Variants in GYPC observed in about 807,000 individuals in gnomAD.
GYPC encodes glycophorin C (Gerbich blood group).
A neutral mutation model predicts 12.6 loss-of-function variants in GYPC; 14 were observed. That is an observed-to-expected ratio of 1.11 (90% CI 0.74 to 1.74). The LOEUF is 1.74. Ranked by LOEUF, GYPC falls within the 40% of genes most tolerant of loss-of-function variation. The pLI is 0.00. For synonymous variants in GYPC, 78 were observed against 62.1 expected (o/e 1.26, Z -1.20); for missense variants, 225 against 172.1 (o/e 1.31, Z -1.72).
In GYPC at chr2:126,656,293, G is replaced by T. The variant is rs1682349484; in HGVS notation, c.30G>T (p.Thr10=). 6.2e-7 allele frequency: 1 copy of T among 1,600,018 alleles called. No homozygotes were observed. The highest frequency in any genetic ancestry group is 1.7e-5 in the Admixed American group (1 of 59,026). MWSTRSPNS[T]AWPLSLEPDP... is the part of the protein sequence containing the mutation. ...GGTCGACGAGAAGCCCCAACAGCAC[G>T]GCGTGGCCTCTCAGCCTCGGTGAGT... Residue 10 remains threonine, a synonymous_variant, in exon 1 of 4, where the codon ACG becomes ACT. Coordinates refer to ENST00000259254, the MANE Select transcript of GYPC (RefSeq NM_002101.5).
chr2:126,681,988 C>G (rs964966121), intron 1 of GYPC, among the ~76,000 whole-genome samples: 2 of 152,068 alleles, frequency 1.3e-5, no homozygotes, highest in Non-Finnish European at 2.9e-5. Flanking sequence ...GAGCATGGTG[C>G]GCAGGATTGC....
chr2:126,683,536 C>T (rs1285990429), intron 1 of GYPC, among the ~76,000 whole-genome samples: 1 of 152,144 alleles, frequency 6.6e-6, no homozygotes, highest in Non-Finnish European at 1.5e-5. Context: ...TTCATACTCT[C>T]GCCTCACAAG....
chr2:126,672,021 A>G (rs1287785183), intron 1 of GYPC, among the ~76,000 whole-genome samples: 3 of 151,672 alleles, frequency 2.0e-5, no homozygotes, highest in African/African-American at 7.2e-5. Context: ...AAGGGTCCTG[A>G]GGCAGGTGCA....
At chr2:126,678,165 T>A (rs13398585) in intron 1 of GYPC, 56,282 of 151,504 alleles carry the variant, frequency 0.37, 10,601 homozygotes, top group Non-Finnish European at 0.41. Context: ...GAGCTTGCAG[T>A]GAGCCGAGAT....
intron 1 of GYPC, among the ~76,000 whole-genome samples, chr2:126,685,480 G>A (rs1003622510): frequency 3.9e-5 from 6 of 151,952 alleles, no homozygotes; most frequent in African/African-American, 1.5e-4. Flanking sequence ...CACCTCCCAG[G>A]TTCAAGTGAT....
At chr2:126,683,412 G>A (rs1276277274) in intron 1 of GYPC, among the ~76,000 whole-genome samples, 3 of 152,168 alleles carry the variant, frequency 2.0e-5, no homozygotes, top group Admixed American at 6.5e-5. Context: ...GTGGACAAGG[G>A]CAACTCCACC....
intron 1 of GYPC, among the ~76,000 whole-genome samples, chr2:126,678,039 G>A (rs1683057123): frequency 1.3e-5 from 2 of 152,152 alleles, no homozygotes; most frequent in African/African-American, 4.8e-5. Context: ...GGCTAACACG[G>A]TGAAACCCCT....
At chr2:126,677,340 A>G (rs199616359) in intron 1 of GYPC, among the ~76,000 whole-genome samples, 4 of 106,284 alleles carry the variant, frequency 3.8e-5, no homozygotes, top group Admixed American at 3.6e-4. Context: ...AGTGTGTAAG[A>G]AAGAATGTGT....
intron 1 of GYPC, among the ~76,000 whole-genome samples, chr2:126,657,348 G>A (rs914197850): frequency 1.3e-5 from 2 of 152,210 alleles, no homozygotes; most frequent in Non-Finnish European, 2.9e-5. Flanking sequence ...CCCTCAGTCT[G>A]CACTGGGATC....
At chr2:126,670,984 C>A (rs1013188326) in intron 1 of GYPC, among the ~76,000 whole-genome samples, 2 of 152,208 alleles carry the variant, frequency 1.3e-5, no homozygotes, top group African/African-American at 4.8e-5. Flanking sequence ...CTTTAACCAA[C>A]AGGAGACTCT....
Position 126,696,356 on chromosome 2 carries a change from G to T in GYPC, c.*214G>T. The T allele has an allele frequency of 1.8e-6, 1 of 568,544 alleles. No homozygotes were observed. The highest frequency in any genetic ancestry group is 1.9e-5 in the South Asian group (1 of 52,082). 35.2% of individuals were successfully genotyped at this position (568,544 alleles called of 1,614,324 possible). On this transcript the variant is annotated 3_prime_UTR_variant, in exon 4 of 4. Coordinates refer to ENST00000259254, the MANE Select transcript of GYPC (RefSeq NM_002101.5). The stretch of plus-strand genomic sequence containing the variant: ...GCCACTCCCAGGGACCCAGGGAGGC[G>T]ATGGCCACCCCAGAGGCCACCTTTT...
At chr2:126,675,363 A>G (rs1682968111) in intron 1 of GYPC, among the ~76,000 whole-genome samples, 1 of 152,204 alleles carries the variant, frequency 6.6e-6, no homozygotes, top group African/African-American at 2.4e-5. Flanking sequence ...AACATAGAAT[A>G]ATAAATAATT....
intron 1 of GYPC, among the ~76,000 whole-genome samples, chr2:126,659,140 C>G (rs1479706222): frequency 2.6e-5 from 4 of 152,092 alleles, no homozygotes; most frequent in African/African-American, 9.7e-5. Context: ...TTTATCTTGG[C>G]CAAACTGAGA....
intron 1 of GYPC, among the ~76,000 whole-genome samples, chr2:126,685,410 A>T (rs1683257887): frequency 6.8e-6 from 1 of 146,264 alleles, no homozygotes; most frequent in South Asian, 2.1e-4. Flanking sequence ...TTTGAGAGGG[A>T]TTCTCACTCT....
rs1683302923 is a variant in GYPC at position 126,686,753 on chromosome 2, T to C, written c.50-3502T>C. 9.7e-6 allele frequency: 9 copies of C among 932,448 alleles called. No individual in the cohort carries two copies. In the South Asian group the frequency reaches 2.0e-4, roughly 21 times the overall value. 57.8% of individuals were successfully genotyped at this position (932,448 alleles called of 1,614,324 possible). A position where few individuals can be genotyped will look rare whatever the true frequency, so the allele number is the denominator to read the frequency against. ...CAAAAAATAGGTCCTCTCATGTCTG[T>C]CCAATCGTTGTGCTGGGTAATTGTC... On this transcript the variant is annotated intron_variant, in intron 1 of 3. Transcript: ENST00000259254.
intron 1 of GYPC, among the ~76,000 whole-genome samples, chr2:126,689,184 A>G (rs1237501111): frequency 6.6e-6 from 1 of 152,062 alleles, no homozygotes; most frequent in Non-Finnish European, 1.5e-5. Flanking sequence ...GGGCTTCAGG[A>G]ATGACTCCTC....
chr2:126,695,245 C>T (rs1289942605), intron 3 of GYPC, among the ~76,000 whole-genome samples: 3 of 152,162 alleles, frequency 2.0e-5, no homozygotes, highest in Middle Eastern at 3.2e-3. Flanking sequence ...TGGGACTTTC[C>T]TGGTTTTAGA....
At chr2:126,665,719 T>C (rs1682660838) in intron 1 of GYPC, among the ~76,000 whole-genome samples, 1 of 152,228 alleles carries the variant, frequency 6.6e-6, no homozygotes, top group Non-Finnish European at 1.5e-5. Flanking sequence ...GTGCACGCCC[T>C]GGCAAGCGCC....
intron 1 of GYPC, among the ~76,000 whole-genome samples, chr2:126,666,885 C>A (rs746858456): frequency 1.3e-5 from 2 of 152,168 alleles, no homozygotes; most frequent in Non-Finnish European, 1.5e-5. Context: ...CGGGACAGGG[C>A]AGACAGGCAT....
Sources: gnomAD v4.1 joint callset for allele counts (sites outside exome capture counted in the v4.1 genomes callset) on GRCh38, gnomAD v4.1.1 for gene constraint, MANE v1.5 for transcripts, NCBI Gene and HGNC (gene_info 2026-07-23, HGNC 2026-07-21) for gene names.